Variants in CACNA1E observed in about 807,000 individuals in gnomAD.
CACNA1E encodes the protein calcium voltage-gated channel subunit alpha1 E.
In CACNA1E, 40 loss-of-function variants were observed where a neutral mutation model predicts 259.2. That is an observed-to-expected ratio of 0.15 (90% CI 0.12 to 0.20). CACNA1E has a LOEUF of 0.20. Ranked by LOEUF, CACNA1E falls within the 10% of genes least tolerant of loss-of-function variation. The pLI is 1.00. For missense variants in CACNA1E, 1,874 were observed against 3,040.1 expected (o/e 0.62, Z 9.02); for synonymous variants, 1,104 against 1,138.5 (o/e 0.97, Z 0.61).
intron 23 of CACNA1E, among the ~76,000 whole-genome samples, chr1:181,737,948 G>T (rs1656207034): frequency 6.6e-6 from 1 of 152,222 alleles, no homozygotes; most frequent in East Asian, 1.9e-4. Flanking sequence ...GTGTGAAGCT[G>T]GCAGCTGCAG....
At position 181,794,928 on chromosome 1, in the gene CACNA1E, C is replaced by T; in HGVS notation, c.6092C>T (p.Ser2031Phe). The change falls in exon 46 of 48, where the codon TCC becomes TTC. Residue 2031 changes from serine to phenylalanine, a missense_variant. Physicochemically the swap from Ser to Phe is radical, Grantham distance 155. Around this residue, in one of 14 missense-constraint regions of CACNA1E, gnomAD observed 542 missense variants for 587.2 expected, o/e 0.92. Coordinates refer to ENST00000367573, the MANE Select transcript of CACNA1E (RefSeq NM_001205293.3). ...ACTATTCGGGATAAGCGTTCAAATTCCTCGTGGTTGGAGGAATTCTCCATG... is the reference window on the plus strand; with the variant it reads ...ACTATTCGGGATAAGCGTTCAAATTTCTCGTGGTTGGAGGAATTCTCCATG... ...FSTIRDKRSN[S>F]SWLEEFSMER... 1 of 1,613,940 alleles carries T rather than the reference C, an allele frequency of 6.2e-7. No individual in the cohort carries two copies. Among genetic ancestry groups the T allele is most frequent in the Non-Finnish European group, 8.5e-7 (1 of 1,179,856 alleles).
At chr1:181,796,618 T>C in intron 46 of CACNA1E, 50 bp from the exon 47 acceptor site, 1 of 1,352,694 alleles carries the variant, frequency 7.4e-7, no homozygotes. Flanking sequence ...TCATCATCAT[T>C]GGTCAGAGTG....
intron 3 of CACNA1E, among the ~76,000 whole-genome samples, chr1:181,554,197 T>C (rs545365054): frequency 6.6e-6 from 1 of 152,184 alleles, no homozygotes; most frequent in East Asian, 1.9e-4. Context: ...ATTTCTTGTA[T>C]AGATGAGGTT....
chr1:181,647,751 A>G (rs1348448425), intron 6 of CACNA1E, among the ~76,000 whole-genome samples: 1 of 152,208 alleles, frequency 6.6e-6, no homozygotes, highest in Non-Finnish European at 1.5e-5. Context: ...GAAAAAGGGA[A>G]GCATGCATTC....
intron 25 of CACNA1E, among the ~76,000 whole-genome samples, chr1:181,748,455 C>G (rs976508783): frequency 1.3e-5 from 2 of 152,012 alleles, no homozygotes; most frequent in Admixed American, 6.6e-5. Context: ...TGGGCCCTCC[C>G]GCAGAAGACG....
At chr1:181,644,242 G>C (rs992815613) in intron 6 of CACNA1E, among the ~76,000 whole-genome samples, 3 of 152,226 alleles carry the variant, frequency 2.0e-5, no homozygotes, top group South Asian at 2.1e-4. Flanking sequence ...GACATGAAGA[G>C]TCAAGGGTTT....
At chr1:181,631,922 A>G (rs986302015) in intron 6 of CACNA1E, among the ~76,000 whole-genome samples, 12 of 152,172 alleles carry the variant, frequency 7.9e-5, no homozygotes, top group African/African-American at 2.7e-4. Context: ...GATTTACCTC[A>G]GGTTTCAAGT....
chr1:181,704,256 A>G (rs1378505480), intron 7 of CACNA1E, among the ~76,000 whole-genome samples: 2 of 152,162 alleles, frequency 1.3e-5, no homozygotes, highest in East Asian at 1.9e-4. Context: ...TGCTTCTCTG[A>G]AAAATGGGAG....
At chr1:181,346,213 C>T (rs1008151050) in intron 1 of CACNA1E, among the ~76,000 whole-genome samples, 5 of 152,236 alleles carry the variant, frequency 3.3e-5, no homozygotes, top group African/African-American at 1.2e-4. Flanking sequence ...AGTTCTGTCC[C>T]CAACTCCTTT....
chr1:181,772,334 C>A, intron 37 of CACNA1E, 103 bp downstream of exon 37: 2 of 1,114,606 alleles, frequency 1.8e-6, no homozygotes, highest in Non-Finnish European at 1.3e-6. Context: ...TATGTTTGTG[C>A]CTCCCTCCCC....
chr1:181,516,342 ACCAC>A (rs1348376234), intron 3 of CACNA1E, among the ~76,000 whole-genome samples: 4 of 88,162 alleles, frequency 4.5e-5, no homozygotes, highest in African/African-American at 1.9e-4. Context: ...TGTGCCAAAG[ACCAC>A]ACACACACAC....
chr1:181,794,334 TG>T (rs1176252162), intron 45 of CACNA1E, among the ~76,000 whole-genome samples: 1 of 152,090 alleles, frequency 6.6e-6, no homozygotes, highest in East Asian at 1.9e-4. Flanking sequence ...CGGGGCTAGG[TG>T]GGATTGATGG....
intron 33 of CACNA1E, 90 bp downstream of exon 33, chr1:181,762,747 A>G: frequency 2.6e-6 from 2 of 763,428 alleles, no homozygotes; most frequent in Admixed American, 5.4e-5. Flanking sequence ...TTTTTAACCC[A>G]CCAAAGCAAA....
At chr1:181,413,967 G>A (rs535434659) in intron 2 of CACNA1E, among the ~76,000 whole-genome samples, 13 of 152,344 alleles carry the variant, frequency 8.5e-5, no homozygotes, top group South Asian at 2.1e-4. Flanking sequence ...TTCAGGAACT[G>A]CAGCTAACCC....
intron 6 of CACNA1E, among the ~76,000 whole-genome samples, chr1:181,636,391 C>A (rs1156690370): frequency 6.6e-6 from 1 of 152,144 alleles, no homozygotes; most frequent in East Asian, 1.9e-4. Context: ...ATAATGTAGT[C>A]AAAACATATA....
At chr1:181,431,270 T>C (rs1277223994) in intron 2 of CACNA1E, among the ~76,000 whole-genome samples, 4 of 152,194 alleles carry the variant, frequency 2.6e-5, no homozygotes, top group Non-Finnish European at 5.9e-5. Context: ...TATGCTGTCT[T>C]GGTTATCCAG....
intron 7 of CACNA1E, among the ~76,000 whole-genome samples, chr1:181,662,791 A>G (rs1250918709): frequency 6.6e-6 from 1 of 152,200 alleles, no homozygotes; most frequent in Non-Finnish European, 1.5e-5. Context: ...TTCAGATACC[A>G]CTGGTAGAGC....
chr1:181,483,782 G>C lies in CACNA1E; in HGVS notation c.38G>C (p.Gly13Ala). ...RFGEAVVARPGSGDGDSDQSR... is the reference protein window; with the variant it reads ...RFGEAVVARPASGDGDSDQSR... ...GGGGAGGCGGTGGTCGCCAGGCCAG[G>C]GTCCGGCGATGGAGACTCGGACCAG... Residue 13 changes from glycine to alanine, a missense_variant, in exon 1 of 48, where the codon GGG becomes GCG. This residue lies in a region of CACNA1E where 110 missense variants were observed against 122.8 expected (regional missense o/e 0.90). Coordinates refer to ENST00000367573, the MANE Select transcript of CACNA1E (RefSeq NM_001205293.3). 1 of 1,611,258 alleles carries C rather than the reference G, an allele frequency of 6.2e-7. No individual in the cohort carries two copies. The highest frequency in any genetic ancestry group is 1.1e-5 in the South Asian group (1 of 90,936).
chr1:181,703,758 T>A (rs1473701090), intron 7 of CACNA1E, among the ~76,000 whole-genome samples: 3 of 151,260 alleles, frequency 2.0e-5, no homozygotes, highest in Non-Finnish European at 4.5e-5. Flanking sequence ...TCCTTGGAAA[T>A]GGCAAGTCAT....
Sources: gnomAD v4.1 joint callset for allele counts (sites outside exome capture counted in the v4.1 genomes callset) on GRCh38, gnomAD v4.1.1 for gene constraint, gnomAD v4.1.1 regional missense constraint, MANE v1.5 for transcripts, NCBI Gene and HGNC (gene_info 2026-07-23, HGNC 2026-07-21) for gene names.